Variants in CTNNA2 observed in about 807,000 individuals in gnomAD.
CTNNA2 encodes the protein catenin alpha-2.
In CTNNA2, 42 loss-of-function variants were observed where a neutral mutation model predicts 101.0. The observed-to-expected ratio is 0.42, with a 90% CI of 0.32 to 0.54. The LOEUF is 0.54. Ranked by LOEUF, CTNNA2 falls within the 20% of genes least tolerant of loss-of-function variation. The pLI is 0.14. For synonymous variants in CTNNA2, 450 were observed against 456.4 expected (o/e 0.99, Z 0.18); for missense variants, 871 against 1,223.1 (o/e 0.71, Z 4.29).
chr2:79,727,754 A>T (rs1451336946), intron 2 of CTNNA2, among the ~76,000 whole-genome samples: 1 of 120,112 alleles, frequency 8.3e-6, no homozygotes, highest in African/African-American at 3.2e-5. Context: ...CGGTCCCCAG[A>T]GTGTGATGTT....
intron 1 of CTNNA2, among the ~76,000 whole-genome samples, chr2:79,585,812 G>A (rs1001224308): frequency 5.9e-5 from 9 of 151,516 alleles, no homozygotes; most frequent in Admixed American, 5.9e-4. Context: ...GGTCCCTTCA[G>A]TATCCATTTG....
intron 4 of CTNNA2, among the ~76,000 whole-genome samples, chr2:79,492,130 T>TA (rs973916183): frequency 6.6e-6 from 1 of 152,162 alleles, no homozygotes; most frequent in African/African-American, 2.4e-5. Flanking sequence ...TATGTACCTA[T>TA]AATGTTTAAT....
intron 7 of CTNNA2, among the ~76,000 whole-genome samples, chr2:80,392,861 C>A (rs1677650334): frequency 6.6e-6 from 1 of 152,120 alleles, no homozygotes; most frequent in South Asian, 2.1e-4. Flanking sequence ...TGTGCCTACA[C>A]AATATAGACA....
intron 7 of CTNNA2, among the ~76,000 whole-genome samples, chr2:79,952,556 A>G (rs760281871): frequency 6.6e-6 from 1 of 152,222 alleles, no homozygotes; most frequent in Non-Finnish European, 1.5e-5. Context: ...GAGGTAAAAA[A>G]TTTTATGAAA....
chr2:80,288,096 T>C (rs952770434), intron 7 of CTNNA2, among the ~76,000 whole-genome samples: 24 of 152,142 alleles, frequency 1.6e-4, no homozygotes, highest in African/African-American at 5.8e-4. Flanking sequence ...TGTCCTTAGT[T>C]GCTGCCCAGG....
chr2:79,623,594 A>G (rs886207583), intron 1 of CTNNA2, among the ~76,000 whole-genome samples: 1 of 152,196 alleles, frequency 6.6e-6, no homozygotes. Context: ...AATTTTATAT[A>G]TGTGCTTTCC....
intron 2 of CTNNA2, among the ~76,000 whole-genome samples, chr2:79,248,103 A>G (rs1010776300): frequency 1.3e-5 from 2 of 152,220 alleles, no homozygotes; most frequent in African/African-American, 4.8e-5. Flanking sequence ...TTTATTTCCG[A>G]CCAGTGGGGC....
At chr2:80,514,169 C>T (rs968652090) in intron 9 of CTNNA2, among the ~76,000 whole-genome samples, 50 of 152,022 alleles carry the variant, frequency 3.3e-4, no homozygotes, top group African/African-American at 1.1e-3. Flanking sequence ...GTTGGACTTG[C>T]GATGGGGGTG....
At position 80,523,177 on chromosome 2, in the gene CTNNA2, T is replaced by C. The variant is rs551402022; in HGVS notation, c.1291-21805T>C. Reference sequence around the variant, plus strand: ...GTATTAGAGGAAAACATTTATTTAATGAAAAAAACCACTTGTAGCAATCTT... The same window carrying C: ...GTATTAGAGGAAAACATTTATTTAACGAAAAAAACCACTTGTAGCAATCTT... On this transcript the variant is annotated intron_variant, in intron 9 of 18. Coordinates refer to ENST00000402739, the MANE Select transcript of CTNNA2 (RefSeq NM_001282597.3). 2.0e-5 allele frequency among the ~76,000 whole-genome samples: 3 copies of C among 152,206 alleles called. No homozygotes were observed. The South Asian group carries it at 6.2e-4, about 32-fold the overall frequency.
In CTNNA2 at chr2:79,598,342, G is replaced by A. The variant is rs548720290; in HGVS notation, c.-5-53210G>A. ...GTAAACACCACAGAGCATGATTGCT[G>A]GATTGTATGGTAAGAGTATGTTTAG... On this transcript the variant is annotated intron_variant, in intron 1 of 18. Transcript: ENST00000402739. Among the ~76,000 whole-genome samples, 142 of 152,296 alleles carry A rather than the reference G, an allele frequency of 9.3e-4. 1 individual carries two copies. The highest frequency in any genetic ancestry group is 3.3e-3 in the African/African-American group (136 of 41,566).
At chr2:79,893,265 A>G (rs1684434139) in intron 6 of CTNNA2, among the ~76,000 whole-genome samples, 1 of 152,140 alleles carries the variant, frequency 6.6e-6, no homozygotes, top group South Asian at 2.1e-4. Flanking sequence ...TCTAAAAATC[A>G]TAGGCTTCCA....
At chr2:80,596,943 C>A (rs534196164) in intron 15 of CTNNA2, among the ~76,000 whole-genome samples, 1 of 152,184 alleles carries the variant, frequency 6.6e-6, no homozygotes, top group African/African-American at 2.4e-5. Flanking sequence ...TATCGAAGGC[C>A]TTTTCTGCTT....
chr2:79,695,564 G>T (rs1684603155), intron 2 of CTNNA2, among the ~76,000 whole-genome samples: 1 of 151,936 alleles, frequency 6.6e-6, no homozygotes, highest in Non-Finnish European at 1.5e-5. Context: ...ACAAAAAATG[G>T]CAGCCTTAAG....
At chr2:80,452,508 C>T (rs1683603969) in intron 9 of CTNNA2, among the ~76,000 whole-genome samples, 1 of 151,438 alleles carries the variant, frequency 6.6e-6, no homozygotes, top group Non-Finnish European at 1.5e-5. Context: ...GGCTGATTGC[C>T]AAAATGGGAG....
intron 7 of CTNNA2, among the ~76,000 whole-genome samples, chr2:80,218,345 A>C (rs1708389923): frequency 6.6e-6 from 1 of 152,224 alleles, no homozygotes. Context: ...CTCTTACAGT[A>C]CCTGGAGGTG....
intron 7 of CTNNA2, among the ~76,000 whole-genome samples, chr2:80,232,341 GTTTGTTTTTTTTTTTTTTTTTTTT>G (rs748256387): frequency 3.3e-3 from 268 of 82,006 alleles, no homozygotes; most frequent in Middle Eastern, 7.9e-3. Context: ...TTGTTTGTTT[GTTTGTTTTTTTTTTTTTTTTTTTT>G]TTTTTTTTTT....
intron 3 of CTNNA2, among the ~76,000 whole-genome samples, chr2:79,756,866 G>A (rs753448268): frequency 1.3e-5 from 2 of 152,150 alleles, no homozygotes; most frequent in African/African-American, 4.8e-5. Flanking sequence ...AAACAACAAT[G>A]AGATTTTAAT....
At chr2:80,136,643 G>C (rs1465320553) in intron 7 of CTNNA2, among the ~76,000 whole-genome samples, 2 of 152,066 alleles carry the variant, frequency 1.3e-5, no homozygotes, top group Non-Finnish European at 2.9e-5. Context: ...GTTATTTCCT[G>C]TTCCTTTCTT....
chr2:79,876,957 G>T (rs1248808833), intron 6 of CTNNA2, among the ~76,000 whole-genome samples: 1 of 151,586 alleles, frequency 6.6e-6, no homozygotes, highest in East Asian at 1.9e-4. Flanking sequence ...GAAACAGTTG[G>T]AAAAATTAAA....
Sources: allele counts gnomAD v4.1 joint callset (sites outside exome capture counted in the v4.1 genomes callset), GRCh38; gene constraint gnomAD v4.1.1; transcripts MANE v1.5; gene names NCBI Gene and HGNC (gene_info 2026-07-23, HGNC 2026-07-21).